Variants in NAA30 observed in about 807,000 individuals in gnomAD.
The protein encoded by NAA30 is N-alpha-acetyltransferase 30.
In NAA30, 5 loss-of-function variants were observed where a neutral mutation model predicts 31.4. The ratio of observed to expected loss-of-function variants is 0.16; its 90% CI spans 0.08 to 0.33. The LOEUF is 0.33. Among genes scored for constraint, NAA30 ranks in the 10% least tolerant of loss-of-function variants. The probability of loss-of-function intolerance (pLI) is 1.00; values close to 1 mark genes in which losing one functional copy is unlikely to be tolerated. For missense variants in NAA30, 428 were observed against 490.8 expected (o/e 0.87, Z 1.21); for synonymous variants, 222 against 207.1 (o/e 1.07, Z -0.62).
At position 57,410,591 on chromosome 14, in the gene NAA30, A is replaced by G. The variant is rs1378808846; in HGVS notation, c.*1075A>G. 6.6e-6 allele frequency: 1 copy of G among 152,158 alleles called. No homozygotes were observed. Among genetic ancestry groups the G allele is most frequent in the African/African-American group, 2.4e-5 (1 of 41,436 alleles). 9.4% of individuals were successfully genotyped at this position (152,158 alleles called of 1,614,324 possible). A position where few individuals can be genotyped will look rare whatever the true frequency, so the allele number is the denominator to read the frequency against. ...TTCAGGTTCTTGGTCTTGGAAATAAATTTCAAGGTGCATTGTATCCATTTT... is the reference window on the plus strand; with the variant it reads ...TTCAGGTTCTTGGTCTTGGAAATAAGTTTCAAGGTGCATTGTATCCATTTT... On this transcript the variant is annotated 3_prime_UTR_variant, in exon 5 of 5. Transcript: ENST00000556492.
intron 4 of NAA30, 83 bp from the exon 5 acceptor site, chr14:57,409,296 G>T: frequency 7.1e-6 from 8 of 1,119,242 alleles, no homozygotes; most frequent in Non-Finnish European, 8.7e-6. Flanking sequence ...AATAATGTAT[G>T]ATTTTTTAAA....
At position 57,414,692 on chromosome 14, in the gene NAA30, C is replaced by T. The variant is rs964005996; in HGVS notation, c.*5176C>T. 23 of 152,288 alleles carry T rather than the reference C, an allele frequency of 1.5e-4. No homozygotes were observed. The highest frequency in any genetic ancestry group is 5.2e-4 in the Admixed American group (8 of 15,286). 9.4% of individuals were successfully genotyped at this position (152,288 alleles called of 1,614,324 possible). ...GATTAATTTTTCTGCCTTCCATCAC[C>T]GCAGTGTATTACCTTTGACCCTCGC... On this transcript the variant is annotated 3_prime_UTR_variant, in exon 5 of 5. Transcript: ENST00000556492.
At chr14:57,396,996 A>AAACCC in intron 3 of NAA30, 121 bp downstream of exon 3, 2 of 920,178 alleles carry the variant, frequency 2.2e-6, no homozygotes, top group Non-Finnish European at 3.0e-6. Flanking sequence ...AAGAAAATTA[A>AAACCC]GGCGGGTTTT....
Position 57,399,680 on chromosome 14 carries a change from A to G in NAA30, c.896-148A>G, listed in dbSNP as rs542244059. 396 of 600,708 alleles carry G rather than the reference A, an allele frequency of 6.6e-4. 1 individual carries two copies. The highest frequency in any genetic ancestry group is 1.5e-3 in the South Asian group (77 of 50,720). The allele number at this position is 600,708 out of a possible 1,614,324, so 37.2% of individuals were successfully genotyped here. A position where few individuals can be genotyped will look rare whatever the true frequency, so the allele number is the denominator to read the frequency against. On this transcript the variant is annotated intron_variant, in intron 3 of 4. Coordinates refer to ENST00000556492, the MANE Select transcript of NAA30 (RefSeq NM_001011713.3). ...TGGCTTCTCTTAGCTTATAGCTAAA[A>G]TTTTTCCCATTTAATTTGAGGTAAT...
intron 4 of NAA30, among the ~76,000 whole-genome samples, chr14:57,405,604 C>T (rs372294072): frequency 1.3e-5 from 2 of 152,098 alleles, no homozygotes; most frequent in African/African-American, 4.8e-5. Context: ...TGTCACTTGG[C>T]AGTTGTGTGA....
Position 57,396,825 on chromosome 14 carries a change from G to T in NAA30, c.845G>T (p.Gly282Val). ...LDMHKKMFRR[G>V]YIAMLAVDSK... is the part of the protein sequence containing the mutation. ...ATGCACAAAAAGATGTTCCGCAGAG[G>T]TTATATAGCCATGTTAGCCGTGGAT... Residue 282 changes from glycine (G) to valine (V), a missense_variant, in exon 3 of 5, where the codon GGT (glycine) becomes GTT (valine). This residue lies in a region of NAA30 where 79 missense variants were observed against 180.3 expected (regional missense o/e 0.44). Coordinates refer to ENST00000556492, the MANE Select transcript of NAA30 (RefSeq NM_001011713.3). 6.2e-7 allele frequency: 1 copy of T among 1,614,068 alleles called. No individual in the cohort carries two copies.
At chr14:57,399,786 A>G (rs1438720170) in intron 3 of NAA30, 42 bp from the exon 4 acceptor site, 1 of 1,004,728 alleles carries the variant, frequency 1.0e-6, no homozygotes, top group Non-Finnish European at 1.6e-6. Flanking sequence ...TATCTTTAAG[A>G]AATACATTTT....
chr14:57,408,384 G>T (rs1021793072), intron 4 of NAA30, among the ~76,000 whole-genome samples: 1 of 152,108 alleles, frequency 6.6e-6, no homozygotes, highest in Non-Finnish European at 1.5e-5. Context: ...AAATAAAATC[G>T]CAGTTTTCAA....
rs545638836 is a variant in NAA30 at position 57,412,958 on chromosome 14, T to C, written c.*3442T>C. 1 of 152,366 alleles carries C rather than the reference T, an allele frequency of 6.6e-6. No homozygotes were observed. The highest frequency in any genetic ancestry group is 1.9e-4 in the East Asian group (1 of 5,194). The allele number at this position is 152,366 out of a possible 1,614,324, so 9.4% of individuals were successfully genotyped here. A position where few individuals can be genotyped will look rare whatever the true frequency, so the allele number is the denominator to read the frequency against. On this transcript the variant is annotated 3_prime_UTR_variant, in exon 5 of 5. Coordinates refer to ENST00000556492, the MANE Select transcript of NAA30 (RefSeq NM_001011713.3). ...GAAAATAACATGAACTTGATTTTTC[T>C]AAAAGTACTCAGTCAACTCATATGT...
At position 57,391,233 on chromosome 14, in the gene NAA30, G is replaced by C; in HGVS notation, c.276G>C (p.Leu92=). Residue 92 remains leucine, a synonymous_variant, in exon 2 of 5, where the codon CTG becomes CTC. Coordinates refer to ENST00000556492, the MANE Select transcript of NAA30 (RefSeq NM_001011713.3). This position sits in a 1 kb window ranked among gnomAD's most constrained non-coding sequence, Gnocchi z 4.1. ...QQLNGLISPE[L]RHLRAAASLK... ...TCAACGGATTGATTAGCCCCGAACT[G>C]CGGCACCTCCGGGCGGCCGCCTCCC... is the stretch of plus-strand genomic sequence containing the variant. The C allele has an allele frequency of 6.2e-7, 1 of 1,612,228 alleles. No individual in the cohort carries two copies. The highest frequency in any genetic ancestry group is 1.3e-5 in the African/African-American group (1 of 75,050).
chr14:57,393,713 T>C (rs907005022), intron 2 of NAA30, among the ~76,000 whole-genome samples: 2 of 152,136 alleles, frequency 1.3e-5, no homozygotes, highest in African/African-American at 4.8e-5. Context: ...TCCAGATATT[T>C]ACTGACAGAG....
Position 57,402,642 on chromosome 14 carries a change from GA to G in NAA30, c.951+2762del, listed in dbSNP as rs532044064. Among the ~76,000 whole-genome samples, 28 of 152,262 alleles carry G rather than the reference GA, an allele frequency of 1.8e-4. 1 individual carries two copies. In the South Asian group the frequency reaches 4.8e-3, roughly 26 times the overall value. On this transcript the variant is annotated intron_variant, in intron 4 of 4. Coordinates refer to ENST00000556492, the MANE Select transcript of NAA30 (RefSeq NM_001011713.3). ...TTAACCAAGTTGTTAAAATGCCTTT[GA>G]AATGATAAATCTCCAAAAATACAGC...
chr14:57,409,623 C>A lies in NAA30; in HGVS notation c.*107C>A. 1 of 1,103,572 alleles carries A rather than the reference C, an allele frequency of 9.1e-7. No homozygotes were observed. The highest frequency in any genetic ancestry group is 1.2e-6 in the Non-Finnish European group (1 of 800,460). The allele number at this position is 1,103,572 out of a possible 1,614,324, so 68.4% of individuals were successfully genotyped here. A position where few individuals can be genotyped will look rare whatever the true frequency, so the allele number is the denominator to read the frequency against. On this transcript the variant is annotated 3_prime_UTR_variant, in exon 5 of 5. Coordinates refer to ENST00000556492, the MANE Select transcript of NAA30 (RefSeq NM_001011713.3). Reference sequence around the variant, plus strand: ...GGTGGATTTAGTAATTTCCATGCAGCTCTTACCTGTCAGTGTCTCATTGAG... The same window carrying A: ...GGTGGATTTAGTAATTTCCATGCAGATCTTACCTGTCAGTGTCTCATTGAG...
At position 57,391,369 on chromosome 14, in the gene NAA30, C is replaced by T. The variant is rs776127738; in HGVS notation, c.412C>T (p.Pro138Ser). 5.0e-6 allele frequency: 8 copies of T among 1,610,884 alleles called. No homozygotes were observed. Among genetic ancestry groups the T allele is most frequent in the South Asian group, 3.3e-5 (3 of 90,944 alleles). Residue 138 changes from proline (P) to serine (S), a missense_variant, in exon 2 of 5, where the codon CCC becomes TCC. Physicochemically the swap from Pro to Ser is moderately conservative, Grantham distance 74. This residue lies in a region of NAA30 where 349 missense variants were observed against 310.4 expected (regional missense o/e 1.12). Coordinates refer to ENST00000556492, the MANE Select transcript of NAA30 (RefSeq NM_001011713.3). This position sits in a 1 kb window ranked among gnomAD's most constrained non-coding sequence, Gnocchi z 4.1. ...AGCCGGGGTACACTCGGGCGAGAGGCCCCCTCACTCCCTCTCTAGTAATGC... is the reference window on the plus strand; with the variant it reads ...AGCCGGGGTACACTCGGGCGAGAGGTCCCCTCACTCCCTCTCTAGTAATGC... ...KGAGVHSGER[P>S]PHSLSSNART...
At position 57,390,806 on chromosome 14, in the gene NAA30, G is replaced by T. The variant is rs1220227581; in HGVS notation, c.-2+101G>T. ...GCAGCTGGGCGGCGCTGAAGAGCGG[G>T]GGGGTGGCGGGGAATTGGGGGGCAG... On this transcript the variant is annotated intron_variant, in intron 1 of 4. Transcript: ENST00000556492. 4.6e-5 allele frequency: 33 copies of T among 711,584 alleles called. No individual in the cohort carries two copies. The East Asian group carries it at 9.1e-4, about 20-fold the overall frequency. 44.1% of individuals were successfully genotyped at this position (711,584 alleles called of 1,614,324 possible).
rs1297296722 is a variant in NAA30, at chr14:57,391,740, G to A, written c.771+12G>A. 6.3e-7 allele frequency: 1 copy of A among 1,584,960 alleles called. No individual in the cohort carries two copies. Among genetic ancestry groups the A allele is most frequent in the South Asian group, 1.2e-5 (1 of 86,006 alleles). ...AGCTGTGCTTCTTGGTAAGTGGATA[G>A]AATAAAAAGAGGGTGAACCCAGCAG... On this transcript the variant is annotated intron_variant, in intron 2 of 4. Coordinates refer to ENST00000556492, the MANE Select transcript of NAA30 (RefSeq NM_001011713.3). This position sits in a 1 kb window ranked among gnomAD's most constrained non-coding sequence, Gnocchi z 4.1.
In NAA30 at chr14:57,391,777, G is replaced by C; in HGVS notation, c.771+49G>C. 6.8e-7 allele frequency: 1 copy of C among 1,480,046 alleles called. No homozygotes were observed. Among genetic ancestry groups the C allele is most frequent in the Non-Finnish European group, 9.2e-7 (1 of 1,091,094 alleles). 91.7% of individuals were successfully genotyped at this position (1,480,046 alleles called of 1,614,324 possible). A position where few individuals can be genotyped will look rare whatever the true frequency, so the allele number is the denominator to read the frequency against. On this transcript the variant is annotated intron_variant, in intron 2 of 4. Coordinates refer to ENST00000556492, the MANE Select transcript of NAA30 (RefSeq NM_001011713.3). The surrounding 1 kb of genome is among the most constrained non-coding windows in gnomAD (Gnocchi z 4.1). Reference sequence around the variant, plus strand: ...GGTGAACCCAGCAGTGATCGAGACTGTGCGGGGCAGGGAGTGAGGGCCCAG... The same window carrying C: ...GGTGAACCCAGCAGTGATCGAGACTCTGCGGGGCAGGGAGTGAGGGCCCAG...
At position 57,411,134 on chromosome 14, in the gene NAA30, C is replaced by G. The variant is rs1430017188; in HGVS notation, c.*1618C>G. On this transcript the variant is annotated 3_prime_UTR_variant, in exon 5 of 5. Coordinates refer to ENST00000556492, the MANE Select transcript of NAA30 (RefSeq NM_001011713.3). The stretch of plus-strand genomic sequence containing the variant: ...TTGAAAGTGAACATAGTAACAAATA[C>G]TTTAAAAATAAAGATACACAATTTA... The G allele has an allele frequency of 6.6e-6, 1 of 150,468 alleles. No individual in the cohort carries two copies. The highest frequency in any genetic ancestry group is 2.5e-5 in the African/African-American group (1 of 40,742). 9.3% of individuals were successfully genotyped at this position (150,468 alleles called of 1,614,324 possible).
At chr14:57,393,846 T>A (rs1430791006) in intron 2 of NAA30, among the ~76,000 whole-genome samples, 2 of 152,108 alleles carry the variant, frequency 1.3e-5, no homozygotes, top group African/African-American at 2.4e-5. Flanking sequence ...TCCTGGCCTC[T>A]CATTATGGTA....
Sources: gnomAD v4.1 joint callset for allele counts (sites outside exome capture counted in the v4.1 genomes callset) on GRCh38, gnomAD v4.1.1 for gene constraint, gnomAD v4.1.1 regional missense constraint, Gnocchi (gnomAD v3.1) non-coding constraint, MANE v1.5 for transcripts, NCBI Gene and HGNC (gene_info 2026-07-23, HGNC 2026-07-21) for gene names.